Variants in ZNF653 observed in about 807,000 individuals in gnomAD.
ZNF653 encodes 67 kDa zinc finger protein.
A neutral mutation model predicts 59.9 loss-of-function variants in ZNF653; 37 were observed. The observed-to-expected ratio is 0.62, with a 90% CI of 0.48 to 0.81. The LOEUF (loss-of-function observed/expected upper bound fraction) is 0.81, where lower values mean the gene tolerates loss of function less well. ZNF653 is among the 40% of genes least tolerant of loss of function. The probability of loss-of-function intolerance (pLI) is 0.00; values close to 1 mark genes in which losing one functional copy is unlikely to be tolerated. For missense variants in ZNF653, 808 were observed against 881.1 expected, an observed-to-expected ratio of 0.92 and a Z score of 1.05; for synonymous variants, 435 against 371.8, an observed-to-expected ratio of 1.17 and a Z score of -1.96.
intron 3 of ZNF653, among the ~76,000 whole-genome samples, chr19:11,488,604 CT>C (rs111509713): frequency 0.25 from 36,225 of 142,978 alleles, 9,561 homozygotes; most frequent in African/African-American, 0.67. Flanking sequence ...CTTTTCTTTT[CT>C]TTTTTTTTTT....
chr19:11,484,047 G>C lies in ZNF653; in HGVS notation c.1665C>G (p.Pro555=). 1.9e-6 allele frequency: 3 copies of C among 1,556,084 alleles called. No homozygotes were observed. Among genetic ancestry groups the C allele is most frequent in the Non-Finnish European group, 1.7e-6 (2 of 1,149,732 alleles). The change falls in exon 8 of 9, where the codon CCC becomes CCG. Residue 555 remains proline (P), a synonymous_variant. Coordinates refer to ENST00000293771, the MANE Select transcript of ZNF653 (RefSeq NM_138783.4). The stretch of plus-strand genomic sequence containing the variant: ...CGGGGCGGCCTGTCACTCACTGCAG[G>C]GGGGTCTCGCCGGTGTGGGTGCGCC... ...VHRRTHTGET[P]LQCEICGYQC...
intron 3 of ZNF653, among the ~76,000 whole-genome samples, chr19:11,491,873 G>A (rs1358717886): frequency 6.6e-6 from 1 of 151,026 alleles, no homozygotes; most frequent in Non-Finnish European, 1.5e-5. Flanking sequence ...CACCGCACCC[G>A]GCCGGCTTGA....
Position 11,505,789 on chromosome 19 carries a change from C to G in ZNF653, c.-3G>C, listed in dbSNP as rs1971717132. The G allele has an allele frequency of 7.2e-6, 10 of 1,398,330 alleles. No homozygotes were observed. The highest frequency in any genetic ancestry group is 9.2e-6 in the Non-Finnish European group (10 of 1,086,962). 86.6% of individuals were successfully genotyped at this position (1,398,330 alleles called of 1,614,324 possible). A position where few individuals can be genotyped will look rare whatever the true frequency, so the allele number is the denominator to read the frequency against. The stretch of plus-strand genomic sequence containing the variant: ...GGCTCTAGCGCCCGCTCCGCCATCC[C>G]CCCCACCCTGGTTACCAGCCTCCCC... On this transcript the variant is annotated 5_prime_UTR_variant, in exon 1 of 9. Transcript: ENST00000293771.
chr19:11,504,510 G>A (rs1461914773), intron 1 of ZNF653: 3 of 985,244 alleles, frequency 3.0e-6, no homozygotes, highest in Non-Finnish European at 3.6e-6. Flanking sequence ...GTATCTTTGC[G>A]CTCCCAGCAT....
In ZNF653 at chr19:11,495,024, C is replaced by T. The variant is rs896642746; in HGVS notation, c.559+926G>A. Among the ~76,000 whole-genome samples the T allele has an allele frequency of 6.6e-6, 1 of 152,224 alleles. No homozygotes were observed. The highest frequency in any genetic ancestry group is 2.4e-5 in the African/African-American group (1 of 41,558). ...TTGGTGGGACGGTCGTTGGCGGGGG[C>T]GCCCACCCGGAACACCTCTCGCCCC... On this transcript the variant is annotated intron_variant, in intron 3 of 8. Transcript: ENST00000293771. This position sits in a 1 kb window ranked among gnomAD's most constrained non-coding sequence, Gnocchi z 4.9.
chr19:11,505,222 G>A (rs888277640), intron 1 of ZNF653: 1 of 416,768 alleles, frequency 2.4e-6, no homozygotes, highest in South Asian at 4.6e-5. Context: ...TGGGCCGCCA[G>A]AGTTCTAGCG....
intron 1 of ZNF653, among the ~76,000 whole-genome samples, chr19:11,501,349 T>C (rs181809997): frequency 6.6e-5 from 10 of 152,036 alleles, no homozygotes; most frequent in East Asian, 5.8e-4. Flanking sequence ...CGGCTAACTT[T>C]TGTACTTTTT....
intron 3 of ZNF653, among the ~76,000 whole-genome samples, chr19:11,492,467 G>A (rs916387110): frequency 2.0e-5 from 3 of 150,432 alleles, no homozygotes; most frequent in South Asian, 2.1e-4. Flanking sequence ...CTCCTGCTTC[G>A]GCCTCCTAAA....
intron 3 of ZNF653, among the ~76,000 whole-genome samples, chr19:11,494,369 T>TAAC (rs760317374): frequency 6.9e-6 from 1 of 144,610 alleles, no homozygotes. Context: ...TAACATAACA[T>TAAC]AACATAACAT....
Position 11,494,049 on chromosome 19 carries a change from T to C in ZNF653, c.559+1901A>G, listed in dbSNP as rs563051952. On this transcript the variant is annotated intron_variant, in intron 3 of 8. Coordinates refer to ENST00000293771, the MANE Select transcript of ZNF653 (RefSeq NM_138783.4). ...ATAAATAAAAATAAAAAGCCAGGTA[T>C]GGTGGCTCACACCAGTAATCCCAGC... Among the ~76,000 whole-genome samples, 7 of 149,704 alleles carry C rather than the reference T, an allele frequency of 4.7e-5. No homozygotes were observed. In the East Asian group the frequency reaches 1.4e-3, roughly 30 times the overall value.
At position 11,495,731 on chromosome 19, in the gene ZNF653, TAA is replaced by T; in HGVS notation, c.559+217_559+218del. On this transcript the variant is annotated intron_variant, in intron 3 of 8. Coordinates refer to ENST00000293771, the MANE Select transcript of ZNF653 (RefSeq NM_138783.4). This position sits in a 1 kb window ranked among gnomAD's most constrained non-coding sequence, Gnocchi z 4.9. ...GGGCACAGATTGGCAAACTGCTCCA[TAA>T]AGAGGGACTGCCTCCCCACTCAAGC... 1 of 556,720 alleles carries T rather than the reference TAA, an allele frequency of 1.8e-6. No individual in the cohort carries two copies. Among genetic ancestry groups the T allele is most frequent in the Non-Finnish European group, 3.2e-6 (1 of 310,374 alleles). 34.5% of individuals were successfully genotyped at this position (556,720 alleles called of 1,614,324 possible).
chr19:11,504,492 T>A, intron 1 of ZNF653: 1 of 984,484 alleles, frequency 1.0e-6, no homozygotes, highest in South Asian at 4.7e-5. Context: ...GTCCGCTCCA[T>A]GAGGCAGGTA....
chr19:11,500,437 C>T (rs1480220220), intron 1 of ZNF653, among the ~76,000 whole-genome samples: 1 of 152,098 alleles, frequency 6.6e-6, no homozygotes, highest in Non-Finnish European at 1.5e-5. Context: ...TGGGTTCAAG[C>T]GATTCTTCTG....
intron 1 of ZNF653, among the ~76,000 whole-genome samples, chr19:11,503,339 T>C (rs1255838276): frequency 6.6e-6 from 1 of 152,228 alleles, no homozygotes; most frequent in East Asian, 1.9e-4. Context: ...CCCAGAGATC[T>C]GCATGGCTCC....
At chr19:11,486,261 G>A (rs765041666) in intron 6 of ZNF653, among the ~76,000 whole-genome samples, 7 of 152,190 alleles carry the variant, frequency 4.6e-5, no homozygotes, top group Non-Finnish European at 1.0e-4. Flanking sequence ...ACCTGGCCAA[G>A]GGCAGCTTTA....
At position 11,487,455 on chromosome 19, in the gene ZNF653, G is replaced by A. The variant is rs774462345; in HGVS notation, c.1008C>T (p.His336=). The A allele has an allele frequency of 2.7e-5, 43 of 1,612,924 alleles. No homozygotes were observed. In the Admixed American group the frequency reaches 5.0e-4, roughly 19 times the overall value. ...CACCGCTGCCTGCTGCCATGTTGAG[G>A]TGAATGCCCTCGGCCGTGAGAGCGT... ...GYDALTAEGI[H]LNMAAGSGVP... Residue 336 remains histidine (H), a synonymous_variant, in exon 4 of 9, where the codon CAC becomes CAT. Coordinates refer to ENST00000293771, the MANE Select transcript of ZNF653 (RefSeq NM_138783.4). This position sits in a 1 kb window ranked among gnomAD's most constrained non-coding sequence, Gnocchi z 5.1.
At chr19:11,505,247 C>A (rs1204403678) in intron 1 of ZNF653, 11 of 446,208 alleles carry the variant, frequency 2.5e-5, no homozygotes, top group African/African-American at 4.1e-5. Context: ...GGGCCAAGCG[C>A]TCAGAAGGCG....
chr19:11,484,250 A>G (rs948218828), intron 7 of ZNF653, 109 bp from the exon 8 acceptor site: 1 of 880,274 alleles, frequency 1.1e-6, no homozygotes, highest in African/African-American at 1.7e-5. Flanking sequence ...TGGATCTCCC[A>G]GGACTGCAGG....
rs1971432534 is a variant in ZNF653, at chr19:11,483,712, G to C, written c.1818C>G (p.Leu606=). ...EKLDSVKFHT[L]KSHPDHKPT ...TGGGCTTGTGATCCGGGTGGCTTTT[G>C]AGCGTGTGGAACTTGACGCTGTCCA... The change falls in exon 9 of 9, where the codon CTC becomes CTG. Residue 606 remains leucine, a synonymous_variant. Coordinates refer to ENST00000293771, the MANE Select transcript of ZNF653 (RefSeq NM_138783.4). The C allele has an allele frequency of 6.2e-7, 1 of 1,613,508 alleles. No individual in the cohort carries two copies. Among genetic ancestry groups the C allele is most frequent in the Non-Finnish European group, 8.5e-7 (1 of 1,179,486 alleles).
Sources: gnomAD v4.1 joint callset for allele counts (sites outside exome capture counted in the v4.1 genomes callset) on GRCh38, gnomAD v4.1.1 for gene constraint, Gnocchi (gnomAD v3.1) non-coding constraint, MANE v1.5 for transcripts, NCBI Gene and HGNC (gene_info 2026-07-23, HGNC 2026-07-21) for gene names.